The following HPSE2 variants were observed in gnomAD, a reference collection of about 807,000 sequenced individuals.
HPSE2 encodes heparanase 2 (inactive).
A neutral mutation model predicts 60.5 loss-of-function variants in HPSE2; 38 were observed. The observed-to-expected ratio is 0.63, with a 90% CI of 0.48 to 0.82. HPSE2 has a LOEUF of 0.82. Ranked by LOEUF, HPSE2 falls within the 40% of genes least tolerant of loss-of-function variation. The pLI, the probability that HPSE2 is intolerant of heterozygous loss-of-function variation, is 0.00. For missense variants in HPSE2, 713 were observed against 740.4 expected, an observed-to-expected ratio of 0.96 and a Z score of 0.43; for synonymous variants, 295 against 293.2, an observed-to-expected ratio of 1.01 and a Z score of -0.06.
intron 3 of HPSE2, among the ~76,000 whole-genome samples, chr10:98,940,898 C>T (rs1175549300): frequency 0.011 from 1,144 of 102,142 alleles, no homozygotes; most frequent in Middle Eastern, 0.037. Context: ...ATCAAGTGGG[C>T]TTCATCCCTG....
intron 3 of HPSE2, among the ~76,000 whole-genome samples, chr10:99,072,790 G>A (rs537931494): frequency 1.5e-4 from 23 of 152,062 alleles, no homozygotes; most frequent in African/African-American, 3.4e-4. Flanking sequence ...TTAGCTGGGC[G>A]TGGTGGTGCA....
At chr10:98,543,339 G>A (rs1224109377) in intron 9 of HPSE2, among the ~76,000 whole-genome samples, 2 of 152,098 alleles carry the variant, frequency 1.3e-5, no homozygotes, top group African/African-American at 2.4e-5. Context: ...TGCTAAACAT[G>A]GAAAGGAACA....
chr10:99,198,039 G>A (rs1473189158), intron 2 of HPSE2, among the ~76,000 whole-genome samples: 1 of 151,070 alleles, frequency 6.6e-6, no homozygotes, highest in Non-Finnish European at 1.5e-5. Flanking sequence ...CCACACTCCA[G>A]CTTGGGCAAC....
the HPSE2 span, among the ~76,000 whole-genome samples, chr10:99,303,794 T>G: frequency 6.6e-6 from 1 of 152,214 alleles, no homozygotes; most frequent in African/African-American, 2.4e-5. Flanking sequence ...CTCTTCTTCC[T>G]GCTCTGTTTT....
intron 3 of HPSE2, among the ~76,000 whole-genome samples, chr10:99,113,424 C>T (rs1844551411): frequency 6.6e-6 from 1 of 152,070 alleles, no homozygotes; most frequent in African/African-American, 2.4e-5. Flanking sequence ...ATTGTATATA[C>T]TTATTGATAA....
intron 9 of HPSE2, among the ~76,000 whole-genome samples, chr10:98,581,509 C>G (rs891923228): frequency 6.6e-6 from 1 of 152,048 alleles, no homozygotes; most frequent in Non-Finnish European, 1.5e-5. Context: ...TATATTTTTA[C>G]TATTAGTTAA....
At chr10:98,499,431 C>A (rs1941958244) in intron 9 of HPSE2, among the ~76,000 whole-genome samples, 1 of 152,122 alleles carries the variant, frequency 6.6e-6, no homozygotes, top group African/African-American at 2.4e-5. Context: ...AAAATACAGT[C>A]TTTTTCAGAC....
chr10:98,565,846 T>TATCATC lies in HPSE2; in HGVS notation c.1320+49052_1320+49057dup, dbSNP rs113527339. On this transcript the variant is annotated intron_variant, in intron 9 of 11. Coordinates refer to ENST00000370552, the MANE Select transcript of HPSE2 (RefSeq NM_021828.5). Reference sequence around the variant, plus strand: ...TTTATTAAATCTTCATAAAAACCTGTATCATCATCATCATCATCATTATTG... The same window carrying TATCATC: ...TTTATTAAATCTTCATAAAAACCTGTATCATCATCATCATCATCATCATCATTATTG... Among the ~76,000 whole-genome samples the TATCATC allele has an allele frequency of 3.9e-3, 591 of 150,912 alleles. 4 individuals carry two copies. The highest frequency in any genetic ancestry group is 0.013 in the African/African-American group (532 of 41,104).
At chr10:98,720,643 A>G (rs909416567) in intron 5 of HPSE2, among the ~76,000 whole-genome samples, 3 of 152,214 alleles carry the variant, frequency 2.0e-5, no homozygotes, top group African/African-American at 7.2e-5. Flanking sequence ...ATGTAATTCA[A>G]AAGAAATAAA....
intron 9 of HPSE2, among the ~76,000 whole-genome samples, chr10:98,610,994 G>A (rs1039175355): frequency 3.3e-5 from 5 of 152,200 alleles, no homozygotes; most frequent in African/African-American, 4.8e-5. Flanking sequence ...TCCACCAAAT[G>A]TGCAGATCTC....
intron 3 of HPSE2, among the ~76,000 whole-genome samples, chr10:98,957,612 C>A (rs1470407758): frequency 3.9e-5 from 6 of 152,176 alleles, no homozygotes; most frequent in Non-Finnish European, 1.5e-5. Flanking sequence ...GTTGTAAATG[C>A]ATGCCCACAC....
At chr10:99,093,040 C>T (rs1347825696) in intron 3 of HPSE2, among the ~76,000 whole-genome samples, 1 of 152,070 alleles carries the variant, frequency 6.6e-6, no homozygotes, top group Non-Finnish European at 1.5e-5. Flanking sequence ...CCAGCCTGGC[C>T]AACATAGTGA....
intron 3 of HPSE2, among the ~76,000 whole-genome samples, chr10:98,810,348 A>G (rs1951141750): frequency 6.6e-6 from 1 of 152,164 alleles, no homozygotes; most frequent in Non-Finnish European, 1.5e-5. Flanking sequence ...AATTACAAAT[A>G]TCAAATTATG....
At chr10:98,524,184 C>T (rs981742240) in intron 9 of HPSE2, among the ~76,000 whole-genome samples, 1 of 152,180 alleles carries the variant, frequency 6.6e-6, no homozygotes, top group Non-Finnish European at 1.5e-5. Context: ...TATCTTTGAA[C>T]CGCTGCTTTG....
chr10:98,719,569 G>A (rs11189770), intron 5 of HPSE2, among the ~76,000 whole-genome samples: 26,803 of 151,312 alleles, frequency 0.18, 2,765 homozygotes, highest in East Asian at 0.38. Context: ...GATGTAGTTA[G>A]ATGTAATTAG....
At chr10:98,837,520 T>C (rs1374507735) in intron 3 of HPSE2, among the ~76,000 whole-genome samples, 2 of 152,176 alleles carry the variant, frequency 1.3e-5, no homozygotes, top group South Asian at 2.1e-4. Context: ...TTAGAACAAA[T>C]ACCAAAATCA....
chr10:99,222,786 T>C (rs1180189169), intron 2 of HPSE2, among the ~76,000 whole-genome samples: 1 of 152,196 alleles, frequency 6.6e-6, no homozygotes, highest in East Asian at 1.9e-4. Flanking sequence ...GTGACAATCA[T>C]TTCTTTCAAC....
intron 5 of HPSE2, among the ~76,000 whole-genome samples, chr10:98,710,544 G>C (rs1437415792): frequency 6.6e-6 from 1 of 152,090 alleles, no homozygotes; most frequent in African/African-American, 2.4e-5. Flanking sequence ...TTACTTCCTT[G>C]CAGTTTAATT....
chr10:99,230,829 AC>A (rs934653850), intron 2 of HPSE2, among the ~76,000 whole-genome samples: 1 of 152,148 alleles, frequency 6.6e-6, no homozygotes, highest in Middle Eastern at 3.2e-3. Flanking sequence ...AAGAAGAAAA[AC>A]CATTAATATC....
Sources: allele counts gnomAD v4.1 joint callset (sites outside exome capture counted in the v4.1 genomes callset), GRCh38; gene constraint gnomAD v4.1.1; transcripts MANE v1.5; gene names NCBI Gene and HGNC (gene_info 2026-07-23, HGNC 2026-07-21).